Variants in PIGK observed in about 807,000 individuals in gnomAD.
PIGK encodes the protein phosphatidylinositol glycan anchor biosynthesis class K.
A neutral mutation model predicts 50.6 loss-of-function variants in PIGK; 42 were observed. That is an observed-to-expected ratio of 0.83 (90% CI 0.65 to 1.07). The LOEUF is 1.07. PIGK is among the 50% of genes least tolerant of loss of function. The probability of loss-of-function intolerance (pLI) is 0.00; values close to 1 mark genes in which losing one functional copy is unlikely to be tolerated. For synonymous variants in PIGK, 151 were observed against 156.0 expected (o/e 0.97, Z 0.24); for missense variants, 448 against 488.7 (o/e 0.92, Z 0.78).
intron 9 of PIGK, among the ~76,000 whole-genome samples, chr1:77,143,071 T>C (rs1464851615): frequency 6.6e-6 from 1 of 152,196 alleles, no homozygotes; most frequent in Non-Finnish European, 1.5e-5. Flanking sequence ...TATATTAATG[T>C]AAATGTCTTT....
chr1:77,174,636 C>A (rs1022532607), intron 3 of PIGK, among the ~76,000 whole-genome samples: 1 of 152,114 alleles, frequency 6.6e-6, no homozygotes, highest in Non-Finnish European at 1.5e-5. Context: ...CTCTTGGCCA[C>A]CTAGAAGTTA....
At chr1:77,167,725 A>T (rs1486455633) in intron 4 of PIGK, among the ~76,000 whole-genome samples, 2 of 152,252 alleles carry the variant, frequency 1.3e-5, no homozygotes, top group African/African-American at 4.8e-5. Flanking sequence ...TACCTGGGTG[A>T]CAGAGCAAGA....
chr1:77,100,794 G>C (rs935283458), intron 10 of PIGK, among the ~76,000 whole-genome samples: 2 of 152,132 alleles, frequency 1.3e-5, no homozygotes, highest in East Asian at 3.9e-4. Flanking sequence ...AGAATCAAGC[G>C]GCCGTGTTGT....
chr1:77,136,596 G>C (rs758016587), intron 9 of PIGK, among the ~76,000 whole-genome samples: 1 of 148,696 alleles, frequency 6.7e-6, no homozygotes, highest in Non-Finnish European at 1.5e-5. Flanking sequence ...ACCCATTGTA[G>C]ATGCCATTTT....
Position 77,142,833 on chromosome 1 carries a change from G to C in PIGK, c.986+11616C>G, listed in dbSNP as rs839798. Among the ~76,000 whole-genome samples the C allele has an allele frequency of 5.4e-3, 814 of 152,088 alleles. 5 individuals carry two copies. Among genetic ancestry groups the C allele is most frequent in the African/African-American group, 0.019 (771 of 41,480 alleles). On this transcript the variant is annotated intron_variant, in intron 9 of 10. Coordinates refer to ENST00000370812, the MANE Select transcript of PIGK (RefSeq NM_005482.3). The stretch of plus-strand genomic sequence containing the variant: ...TACAATCCAGATGAGATTTGAGTGG[G>C]GACACAGAGTCAAACCATATTGGGA...
chr1:77,144,799 A>G (rs181855879), intron 9 of PIGK, among the ~76,000 whole-genome samples: 51 of 152,094 alleles, frequency 3.4e-4, no homozygotes, highest in African/African-American at 1.2e-3. Context: ...GAGTAATTTA[A>G]TTATGTTTTG....
chr1:77,174,027 A>C lies in PIGK; in HGVS notation c.240-4632T>G, dbSNP rs578124902. On this transcript the variant is annotated intron_variant, in intron 3 of 10. Transcript: ENST00000370812. ...TTGACTGCTCTAGACTTCTAGGAAG[A>C]GCAATGGAAGCTATCCAATATAGCT... 2.9e-4 allele frequency among the ~76,000 whole-genome samples: 44 copies of C among 152,350 alleles called. No individual in the cohort carries two copies. The South Asian group carries it at 8.3e-3, about 29-fold the overall frequency.
At chr1:77,216,208 T>C (rs1461181208) in intron 1 of PIGK, among the ~76,000 whole-genome samples, 1 of 152,136 alleles carries the variant, frequency 6.6e-6, no homozygotes, top group East Asian at 1.9e-4. Flanking sequence ...ATATACCCCA[T>C]AAATATGCAC....
rs1460263707 is a variant in PIGK, at chr1:77,090,792, T to A, written c.*1582A>T. 1 of 152,156 alleles carries A rather than the reference T, an allele frequency of 6.6e-6. No homozygotes were observed. Among genetic ancestry groups the A allele is most frequent in the African/African-American group, 2.4e-5 (1 of 41,434 alleles). The allele number at this position is 152,156 out of a possible 1,614,324, so 9.4% of individuals were successfully genotyped here. On this transcript the variant is annotated 3_prime_UTR_variant, in exon 11 of 11. Transcript: ENST00000370812. ...TTCTTTTCATGTACAGAAAGATCCTTCACATAATCAGACAAAATTTTTCTT... is the reference window on the plus strand; with the variant it reads ...TTCTTTTCATGTACAGAAAGATCCTACACATAATCAGACAAAATTTTTCTT...
intron 9 of PIGK, among the ~76,000 whole-genome samples, chr1:77,141,908 T>C (rs1654658224): frequency 6.6e-6 from 1 of 152,098 alleles, no homozygotes; most frequent in Non-Finnish European, 1.5e-5. Context: ...TGACCCAAAA[T>C]TGGTATCCAA....
At chr1:77,193,184 TATAAC>T (rs1343880623) in intron 3 of PIGK, among the ~76,000 whole-genome samples, 5 of 151,994 alleles carry the variant, frequency 3.3e-5, no homozygotes, top group Admixed American at 1.3e-4. Context: ...TTTAAAGAGA[TATAAC>T]ATAACACAGT....
intron 3 of PIGK, among the ~76,000 whole-genome samples, chr1:77,182,637 G>A (rs1217186522): frequency 6.6e-6 from 1 of 152,074 alleles, no homozygotes; most frequent in African/African-American, 2.4e-5. Context: ...ATTTTGGTAC[G>A]AGGAGTGATC....
intron 9 of PIGK, among the ~76,000 whole-genome samples, chr1:77,141,011 T>C (rs1654638390): frequency 6.6e-6 from 1 of 152,180 alleles, no homozygotes; most frequent in African/African-American, 2.4e-5. Context: ...TTAAATCACC[T>C]AAGAGAAATA....
intron 10 of PIGK, among the ~76,000 whole-genome samples, chr1:77,110,273 T>C (rs1213249984): frequency 1.3e-5 from 2 of 152,144 alleles, no homozygotes; most frequent in Non-Finnish European, 2.9e-5. Context: ...AAAGTTCATA[T>C]GGAACCAAAA....
At chr1:77,161,157 G>A (rs1655119233) in intron 8 of PIGK, 138 bp downstream of exon 8, 1 of 612,244 alleles carries the variant, frequency 1.6e-6, no homozygotes, top group East Asian at 2.8e-5. Flanking sequence ...ACAGGTAAAA[G>A]GTAGATATCA....
chr1:77,122,342 A>C lies in PIGK; in HGVS notation c.1004T>G (p.Met335Arg). The change falls in exon 10 of 11, where the codon ATG (methionine) becomes AGG (arginine). Residue 335 changes from methionine to arginine, a missense_variant. Transcript: ENST00000370812. Reference protein sequence around the residue: ...IMESSYKEDQMDEKLMEPLKY... With the variant: ...IMESSYKEDQRDEKLMEPLKY... ...CAGAGGTTCCATTAGTTTCTCATCC[A>C]TCTGGTCTTCCTTATAGCTGGAAAA... 6 of 1,600,206 alleles carry C rather than the reference A, an allele frequency of 3.7e-6. 1 individual carries two copies. The South Asian group carries it at 6.6e-5, about 18-fold the overall frequency.
chr1:77,175,444 T>C (rs1655460877), intron 3 of PIGK, among the ~76,000 whole-genome samples: 1 of 152,110 alleles, frequency 6.6e-6, no homozygotes, highest in African/African-American at 2.4e-5. Flanking sequence ...AAAGGATTCA[T>C]GAAAGGAAAT....
chr1:77,154,606 T>C lies in PIGK; in HGVS notation c.829A>G (p.Lys277Glu). Residue 277 changes from lysine to glutamate, a missense_variant, in exon 9 of 11, where the codon AAA becomes GAA. By Grantham distance (56) the Lys-to-Glu change is moderately conservative. Coordinates refer to ENST00000370812, the MANE Select transcript of PIGK (RefSeq NM_005482.3). ...NMNDLFQVCP[K>E]SLCVSTPGHR... The stretch of plus-strand genomic sequence containing the variant: ...CCAGGAGTAGACACACACAGACTTT[T>C]GGGACATACCTGAAACTGAAAAAAT... The C allele has an allele frequency of 6.2e-7, 1 of 1,610,506 alleles. No individual in the cohort carries two copies. Among genetic ancestry groups the C allele is most frequent in the Non-Finnish European group, 8.5e-7 (1 of 1,177,580 alleles).
At chr1:77,161,234 CTTCTT>C in intron 8 of PIGK, 56 bp downstream of exon 8, 1 of 834,832 alleles carries the variant, frequency 1.2e-6, no homozygotes. Context: ...GAATAATACA[CTTCTT>C]TTCACATTAA....
Sources: gnomAD v4.1 joint callset for allele counts (sites outside exome capture counted in the v4.1 genomes callset) on GRCh38, gnomAD v4.1.1 for gene constraint, MANE v1.5 for transcripts, NCBI Gene and HGNC (gene_info 2026-07-23, HGNC 2026-07-21) for gene names.